Variants in ZBTB20 observed in about 807,000 individuals in gnomAD.
The protein encoded by ZBTB20 is zinc finger and BTB domain-containing protein 20.
Under a neutral mutation model 56.9 loss-of-function variants are expected in ZBTB20, and 9 were observed. That is an observed-to-expected ratio of 0.16 (90% CI 0.10 to 0.28). The LOEUF is 0.28. Ranked by LOEUF, ZBTB20 falls within the 10% of genes least tolerant of loss-of-function variation. The pLI is 1.00. For synonymous variants in ZBTB20, 417 were observed against 420.7 expected (o/e 0.99, Z 0.11); for missense variants, 655 against 1,003.0 (o/e 0.65, Z 4.69).
intron 6 of ZBTB20, among the ~76,000 whole-genome samples, chr3:114,577,990 C>T (rs1577708834): frequency 6.6e-6 from 1 of 151,988 alleles, no homozygotes; most frequent in Non-Finnish European, 1.5e-5. Context: ...AACATTCACT[C>T]CAGATAAATT....
intron 5 of ZBTB20, among the ~76,000 whole-genome samples, chr3:114,741,079 G>A (rs2066535525): frequency 6.6e-6 from 1 of 152,074 alleles, no homozygotes; most frequent in African/African-American, 2.4e-5. Context: ...ATTTCCTACG[G>A]TTACCACCAT....
intron 5 of ZBTB20, among the ~76,000 whole-genome samples, chr3:114,769,468 G>A (rs2069024602): frequency 6.8e-6 from 1 of 147,222 alleles, no homozygotes; most frequent in Admixed American, 6.8e-5. Context: ...ATTTGCACCT[G>A]GTAAATAGAT....
intron 6 of ZBTB20, chr3:114,502,665 C>G (rs1416345057): frequency 6.6e-6 from 1 of 152,068 alleles, no homozygotes; most frequent in Non-Finnish European, 1.5e-5. Flanking sequence ...TTTTAAAGCT[C>G]TAAGTTTTGC....
At chr3:114,432,664 C>T (rs10934272) in intron 7 of ZBTB20, among the ~76,000 whole-genome samples, 89,932 of 152,040 alleles carry the variant, frequency 0.59, 29,478 homozygotes, top group Non-Finnish European at 0.75. Context: ...GCTCTCTGAG[C>T]CTGCTGTGAG....
intron 6 of ZBTB20, chr3:114,688,202 C>G (rs1185013666): frequency 6.6e-6 from 1 of 152,164 alleles, no homozygotes; most frequent in Non-Finnish European, 1.5e-5. Flanking sequence ...TGCAATCCAG[C>G]CTGGGTGACA....
At chr3:114,666,594 A>G (rs1380132004) in intron 6 of ZBTB20, among the ~76,000 whole-genome samples, 4 of 152,074 alleles carry the variant, frequency 2.6e-5, no homozygotes, top group Non-Finnish European at 5.9e-5. Context: ...TTCCAAATTC[A>G]GAATCTAAGA....
intron 7 of ZBTB20, among the ~76,000 whole-genome samples, chr3:114,466,983 G>A (rs1045762534): frequency 6.6e-6 from 1 of 152,212 alleles, no homozygotes; most frequent in Non-Finnish European, 1.5e-5. Context: ...GAAGCAGGCA[G>A]TGTTTGAGAT....
intron 6 of ZBTB20, among the ~76,000 whole-genome samples, chr3:114,637,773 A>G (rs908641995): frequency 1.3e-5 from 2 of 152,142 alleles, no homozygotes; most frequent in African/African-American, 2.4e-5. Flanking sequence ...CCACTTAAAT[A>G]TATAACATGT....
intron 1 of ZBTB20, among the ~76,000 whole-genome samples, chr3:115,129,993 A>T (rs1034337689): frequency 6.6e-6 from 1 of 150,552 alleles, no homozygotes; most frequent in African/African-American, 2.5e-5. Context: ...TATATATATA[A>T]ATGTCCATTA....
intron 4 of ZBTB20, among the ~76,000 whole-genome samples, chr3:114,852,727 A>T (rs1214435819): frequency 1.3e-5 from 2 of 152,210 alleles, no homozygotes; most frequent in African/African-American, 4.8e-5. Flanking sequence ...TGCTTAGCTG[A>T]TAGCTAAATC....
chr3:114,521,229 C>T (rs1255071089), intron 6 of ZBTB20, among the ~76,000 whole-genome samples: 2 of 152,120 alleles, frequency 1.3e-5, no homozygotes, highest in Non-Finnish European at 2.9e-5. Context: ...TTTCAACTGT[C>T]AGTCAGAATG....
At chr3:114,361,349 T>C (rs768815661) in intron 10 of ZBTB20, among the ~76,000 whole-genome samples, 6 of 152,222 alleles carry the variant, frequency 3.9e-5, no homozygotes, top group Admixed American at 6.5e-5. Context: ...TCAAACTTTT[T>C]CCTTTTCTGT....
chr3:114,720,972 T>C (rs1472466568), intron 5 of ZBTB20, among the ~76,000 whole-genome samples: 1 of 152,172 alleles, frequency 6.6e-6, no homozygotes, highest in Non-Finnish European at 1.5e-5. Flanking sequence ...TAGTTATACT[T>C]TGAAAAACAT....
At chr3:114,929,747 G>T (rs1198607455) in intron 3 of ZBTB20, among the ~76,000 whole-genome samples, 1 of 152,160 alleles carries the variant, frequency 6.6e-6, no homozygotes, top group Non-Finnish European at 1.5e-5. Flanking sequence ...GTTTGGAATT[G>T]GGTGTCACTG....
At chr3:114,644,009 A>G (rs900112179) in intron 6 of ZBTB20, among the ~76,000 whole-genome samples, 10 of 152,046 alleles carry the variant, frequency 6.6e-5, no homozygotes, top group Non-Finnish European at 1.3e-4. Context: ...TGCACAAATG[A>G]CCATTTGGAC....
intron 3 of ZBTB20, among the ~76,000 whole-genome samples, chr3:114,938,516 T>A (rs1385249615): frequency 6.8e-6 from 1 of 146,242 alleles, no homozygotes; most frequent in Non-Finnish European, 1.5e-5. Flanking sequence ...GTTCATCTCC[T>A]TTGCAGGGAC....
chr3:114,413,451 C>T (rs2088191092), intron 7 of ZBTB20, among the ~76,000 whole-genome samples: 2 of 152,216 alleles, frequency 1.3e-5, no homozygotes, highest in African/African-American at 4.8e-5. Flanking sequence ...GTGGGTTATT[C>T]AGAGAAACTA....
chr3:115,016,281 T>A (rs936205082), intron 2 of ZBTB20, among the ~76,000 whole-genome samples: 1 of 152,026 alleles, frequency 6.6e-6, no homozygotes, highest in African/African-American at 2.4e-5. Context: ...TTCACTCTGA[T>A]GATAGTTTCT....
At chr3:114,375,746 C>T (rs1448406271) in intron 10 of ZBTB20, 2 of 152,182 alleles carry the variant, frequency 1.3e-5, no homozygotes, top group Admixed American at 6.5e-5. Context: ...TATCCCTTAC[C>T]CTATTTACAT....
Sources: gnomAD v4.1 joint callset for allele counts (sites outside exome capture counted in the v4.1 genomes callset) on GRCh38, gnomAD v4.1.1 for gene constraint, MANE v1.5 for transcripts, NCBI Gene and HGNC (gene_info 2026-07-23, HGNC 2026-07-21) for gene names.